RBFOX1: variants seen among roughly 807,000 people sequenced by gnomAD.
The protein encoded by RBFOX1 is RNA binding fox-1 homolog 1.
RBFOX1 carries 8 observed loss-of-function variants against 57.7 expected under a neutral mutation model. That is an observed-to-expected ratio of 0.14 (90% CI 0.08 to 0.25). RBFOX1 has a LOEUF of 0.25. Among genes scored for constraint, RBFOX1 ranks in the 10% least tolerant of loss-of-function variants. The pLI, the probability that RBFOX1 is intolerant of heterozygous loss-of-function variation, is 1.00. For synonymous variants in RBFOX1, 326 were observed against 222.4 expected, an observed-to-expected ratio of 1.47 and a Z score of -4.15; for missense variants, 611 against 548.5, an observed-to-expected ratio of 1.11 and a Z score of -1.14.
intron 3 of RBFOX1, among the ~76,000 whole-genome samples, chr16:6,961,549 C>T (rs562841739): frequency 3.4e-4 from 51 of 152,220 alleles, no homozygotes; most frequent in African/African-American, 1.1e-3. Context: ...ATTAGACGAG[C>T]GAAGAAACAA....
At chr16:6,226,297 C>T (rs1001347820) in intron 1 of RBFOX1, among the ~76,000 whole-genome samples, 15 of 138,698 alleles carry the variant, frequency 1.1e-4, no homozygotes, top group Non-Finnish European at 1.4e-4. Flanking sequence ...CACTTGAACC[C>T]GGGAGGTGGA....
chr16:6,062,621 T>TATAATATATAACATACATATA (rs6145734), intron 1 of RBFOX1, among the ~76,000 whole-genome samples: 7 of 147,712 alleles, frequency 4.7e-5, no homozygotes, highest in Admixed American at 6.8e-5. Context: ...AATATATAAA[T>TATAATATATAACATACATATA]ATATATAACA....
At chr16:6,426,116 G>C (rs77965296) in intron 2 of RBFOX1, among the ~76,000 whole-genome samples, 5,583 of 149,550 alleles carry the variant, frequency 0.037, 368 homozygotes, top group African/African-American at 0.13. Flanking sequence ...CCCTCTCATT[G>C]TCTCTCTCTT....
chr16:5,824,921 C>G (rs1442746042), intron 3 of RBFOX1, among the ~76,000 whole-genome samples: 3 of 152,200 alleles, frequency 2.0e-5, no homozygotes, highest in Admixed American at 2.0e-4. Context: ...ATGTTTCATA[C>G]TGGCTTGTGA....
chr16:7,084,209 C>T (rs1460593527), intron 4 of RBFOX1, among the ~76,000 whole-genome samples: 2 of 152,074 alleles, frequency 1.3e-5, no homozygotes, highest in African/African-American at 4.8e-5. Context: ...TTAAATATAA[C>T]AGAACACTGT....
rs184674025 is a variant in RBFOX1 at position 7,323,566 on chromosome 16, T to C, written c.28-194581T>C. Among the ~76,000 whole-genome samples the C allele has an allele frequency of 2.3e-3, 350 of 152,366 alleles. 3 individuals are homozygous for C. The highest frequency in any genetic ancestry group is 7.7e-3 in the African/African-American group (322 of 41,592). On this transcript the variant is annotated intron_variant, in intron 4 of 15. Transcript: ENST00000550418. Reference sequence around the variant, plus strand: ...TGTAGTTTTGTAGCCTCTCAGTTCATGGGGATAGCTCTGTGTTTGACTAAC... The same window carrying C: ...TGTAGTTTTGTAGCCTCTCAGTTCACGGGGATAGCTCTGTGTTTGACTAAC...
chr16:7,358,735 A>G (rs1018146045), intron 4 of RBFOX1, among the ~76,000 whole-genome samples: 7 of 152,144 alleles, frequency 4.6e-5, no homozygotes, highest in Non-Finnish European at 8.8e-5. Context: ...AGTACTTTTT[A>G]TATGAATAAA....
At chr16:6,311,903 G>T (rs971846229) in intron 1 of RBFOX1, among the ~76,000 whole-genome samples, 1 of 152,146 alleles carries the variant, frequency 6.6e-6, no homozygotes, top group African/African-American at 2.4e-5. Context: ...ATCCCTGAGT[G>T]GTATCAAGCA....
chr16:6,514,804 C>G (rs1432084031), intron 2 of RBFOX1, among the ~76,000 whole-genome samples: 5 of 151,764 alleles, frequency 3.3e-5, no homozygotes, highest in Admixed American at 6.6e-5. Flanking sequence ...AAAATGGTGT[C>G]TCCTGAAGTG....
At chr16:5,880,663 G>C (rs2057740000) in intron 4 of RBFOX1, among the ~76,000 whole-genome samples, 1 of 152,142 alleles carries the variant, frequency 6.6e-6, no homozygotes. Flanking sequence ...GTGTGTATGG[G>C]ATTGTGGATC....
chr16:6,289,831 A>G (rs1599239829), intron 1 of RBFOX1, among the ~76,000 whole-genome samples: 2 of 152,328 alleles, frequency 1.3e-5, no homozygotes, highest in East Asian at 1.9e-4. Context: ...GAGCAAATTG[A>G]ATGAATAATA....
At chr16:6,887,572 C>G (rs202049477) in intron 3 of RBFOX1, among the ~76,000 whole-genome samples, 4 of 150,214 alleles carry the variant, frequency 2.7e-5, no homozygotes, top group Non-Finnish European at 4.4e-5. Flanking sequence ...TTTTTTTTTC[C>G]TTTCGAATTC....
chr16:5,731,563 T>C (rs923911039), intron 3 of RBFOX1, among the ~76,000 whole-genome samples: 1 of 152,180 alleles, frequency 6.6e-6, no homozygotes, highest in African/African-American at 2.4e-5. Context: ...AGAGGGGCTC[T>C]CTTGCTTCTG....
intron 1 of RBFOX1, among the ~76,000 whole-genome samples, chr16:5,339,470 G>GTTTTT (rs560472298): frequency 0.051 from 2,066 of 40,776 alleles, 601 homozygotes; most frequent in Middle Eastern, 0.094. Flanking sequence ...CTTTTTCCGT[G>GTTTTT]TTTTTTTTTT....
At chr16:6,768,473 C>T (rs894903557) in intron 3 of RBFOX1, among the ~76,000 whole-genome samples, 1 of 151,868 alleles carries the variant, frequency 6.6e-6, no homozygotes, top group African/African-American at 2.4e-5. Flanking sequence ...CCACACAAGC[C>T]TTCTAAATGT....
intron 4 of RBFOX1, among the ~76,000 whole-genome samples, chr16:5,904,126 A>AGAGTAATTG (rs1446210064): frequency 1.3e-5 from 2 of 152,142 alleles, no homozygotes; most frequent in Non-Finnish European, 2.9e-5. Context: ...GGGCCTCCGC[A>AGAGTAATTG]GAGTAATTGG....
intron 5 of RBFOX1, among the ~76,000 whole-genome samples, chr16:7,541,418 C>T (rs2082900567): frequency 6.6e-6 from 1 of 152,064 alleles, no homozygotes. Flanking sequence ...TCTGCTATGA[C>T]ATCTTCTGCG....
At chr16:5,323,094 A>G (rs1421127326) in intron 1 of RBFOX1, among the ~76,000 whole-genome samples, 1 of 152,226 alleles carries the variant, frequency 6.6e-6, no homozygotes, top group Non-Finnish European at 1.5e-5. Flanking sequence ...CAATGGGAAC[A>G]TCTCCCTGAT....
intron 3 of RBFOX1, among the ~76,000 whole-genome samples, chr16:6,736,204 T>C (rs777761551): frequency 2.6e-5 from 4 of 152,168 alleles, no homozygotes; most frequent in South Asian, 2.1e-4. Context: ...CCATAAGTTA[T>C]TGGGGTACAG....
Sources: allele counts gnomAD v4.1 joint callset (sites outside exome capture counted in the v4.1 genomes callset), GRCh38; gene constraint gnomAD v4.1.1; transcripts MANE v1.5; gene names NCBI Gene and HGNC (gene_info 2026-07-23, HGNC 2026-07-21).